The following PEX14 variants were observed in gnomAD, a reference collection of about 807,000 sequenced individuals.
PEX14 encodes the protein peroxisomal membrane protein PEX14.
Under a neutral mutation model 49.5 loss-of-function variants are expected in PEX14, and 15 were observed. The ratio of observed to expected loss-of-function variants is 0.30; its 90% CI spans 0.20 to 0.47. PEX14 has a LOEUF of 0.47. PEX14 is among the 20% of genes least tolerant of loss of function. The pLI is 1.00. For synonymous variants in PEX14, 210 were observed against 212.7 expected (o/e 0.99, Z 0.11); for missense variants, 398 against 494.8 (o/e 0.80, Z 1.86).
In PEX14 at chr1:10,623,944, C is replaced by T. The variant is rs1641667881; in HGVS notation, c.488-396C>T. The stretch of plus-strand genomic sequence containing the variant: ...GAGCCACTCCTGGATGTGAATGTGG[C>T]GGGGACCTGAGATGCATCTCTCCCA... On this transcript the variant is annotated intron_variant, in intron 6 of 8. Transcript: ENST00000356607. The surrounding 1 kb of genome is among the most constrained non-coding windows in gnomAD (Gnocchi z 4.4). Among the ~76,000 whole-genome samples, 2 of 152,038 alleles carry T rather than the reference C, an allele frequency of 1.3e-5. No homozygotes were observed. The highest frequency in any genetic ancestry group is 2.1e-4 in the South Asian group (1 of 4,812).
Position 10,628,639 on chromosome 1 carries a change from C to T in PEX14, c.678-892C>T, listed in dbSNP as rs1459692236. Among the ~76,000 whole-genome samples, 2 of 152,214 alleles carry T rather than the reference C, an allele frequency of 1.3e-5. No individual in the cohort carries two copies. The highest frequency in any genetic ancestry group is 2.9e-5 in the Non-Finnish European group (2 of 68,034). On this transcript the variant is annotated intron_variant, in intron 8 of 8. Coordinates refer to ENST00000356607, the MANE Select transcript of PEX14 (RefSeq NM_004565.3). The surrounding 1 kb of genome is among the most constrained non-coding windows in gnomAD (Gnocchi z 4.5). ...GGATGGAGGCCAGGCCATCGGGTGA[C>T]CGTGGGGGCCAAGAAAACTGCACAT... is the stretch of plus-strand genomic sequence containing the variant.
intron 2 of PEX14, among the ~76,000 whole-genome samples, chr1:10,498,396 AG>A (rs1406455821): frequency 2.0e-5 from 3 of 152,256 alleles, no homozygotes; most frequent in Admixed American, 6.5e-5. Context: ...ATTGTGATGT[AG>A]TCAATATGTG....
intron 3 of PEX14, among the ~76,000 whole-genome samples, chr1:10,555,730 A>T (rs929236383): frequency 6.6e-6 from 1 of 152,000 alleles, no homozygotes; most frequent in African/African-American, 2.4e-5. Context: ...CTGGAGGTAG[A>T]TATTTATCAG....
chr1:10,577,553 TATATATATA>T (rs1435648001), intron 3 of PEX14, among the ~76,000 whole-genome samples: 2,385 of 11,330 alleles, frequency 0.21, 167 homozygotes, highest in East Asian at 0.43. Context: ...TATATATATA[TATATATATA>T]TTTTTTTTTT....
At chr1:10,487,756 T>C (rs1232667500) in intron 1 of PEX14, among the ~76,000 whole-genome samples, 1 of 152,056 alleles carries the variant, frequency 6.6e-6, no homozygotes, top group East Asian at 1.9e-4. Context: ...GTGCTGGGAT[T>C]ATAGGCATGA....
At chr1:10,553,191 G>A (rs1639385239) in intron 3 of PEX14, among the ~76,000 whole-genome samples, 1 of 152,204 alleles carries the variant, frequency 6.6e-6, no homozygotes, top group Non-Finnish European at 1.5e-5. Flanking sequence ...TGGAGAGGAT[G>A]GATTAGAGAG....
rs561581885 is a variant in PEX14 at position 10,618,585 on chromosome 1, C to A, written c.384+168C>A. ...GGGTTCACAGCTGGATCCAGGCAGA[C>A]CCTGCCCTGCTGTGGGGCTTGGCAG... On this transcript the variant is annotated intron_variant, in intron 5 of 8. Coordinates refer to ENST00000356607, the MANE Select transcript of PEX14 (RefSeq NM_004565.3). Among the ~76,000 whole-genome samples, 16 of 152,366 alleles carry A rather than the reference C, an allele frequency of 1.1e-4. No individual in the cohort carries two copies. The East Asian group carries it at 2.7e-3, about 26-fold the overall frequency.
At chr1:10,581,569 G>A (rs1053364620) in intron 3 of PEX14, among the ~76,000 whole-genome samples, 1 of 151,768 alleles carries the variant, frequency 6.6e-6, no homozygotes, top group Non-Finnish European at 1.5e-5. Context: ...CTCCCAAAGT[G>A]CTGGGATTAC....
chr1:10,544,498 G>T (rs757718253), intron 3 of PEX14, among the ~76,000 whole-genome samples: 5 of 152,152 alleles, frequency 3.3e-5, no homozygotes, highest in Non-Finnish European at 7.3e-5. Flanking sequence ...GACTCTCAGG[G>T]TTGCTTTTTT....
intron 4 of PEX14, among the ~76,000 whole-genome samples, chr1:10,600,860 G>A (rs985152844): frequency 3.9e-5 from 6 of 152,132 alleles, no homozygotes; most frequent in Admixed American, 1.3e-4. Flanking sequence ...AAGGCCGGGC[G>A]CAGTGGCTCC....
rs546693411 is a variant in PEX14, at chr1:10,535,258, G to A, written c.85-955G>A. On this transcript the variant is annotated intron_variant, in intron 2 of 8. Transcript: ENST00000356607. The stretch of plus-strand genomic sequence containing the variant: ...GGGGTGGAAAGTAGACAAGCCAGGC[G>A]TAAACACACACTTCGCGTGTGCTGA... Among the ~76,000 whole-genome samples the A allele has an allele frequency of 6.6e-5, 10 of 152,328 alleles. No homozygotes were observed. In the South Asian group the frequency reaches 1.2e-3, roughly 19 times the overall value.
chr1:10,552,537 C>A (rs1276346283), intron 3 of PEX14, among the ~76,000 whole-genome samples: 2 of 152,178 alleles, frequency 1.3e-5, no homozygotes, highest in Non-Finnish European at 2.9e-5. Flanking sequence ...TTGTTGGTTC[C>A]CAGTTTAGCA....
chr1:10,484,453 G>A (rs1475849990), intron 1 of PEX14, among the ~76,000 whole-genome samples: 8 of 151,714 alleles, frequency 5.3e-5, no homozygotes, highest in Non-Finnish European at 1.0e-4. Context: ...GATTACAGGC[G>A]TGAGCCACTG....
At chr1:10,551,488 C>T (rs1012466273) in intron 3 of PEX14, among the ~76,000 whole-genome samples, 5 of 152,092 alleles carry the variant, frequency 3.3e-5, no homozygotes, top group African/African-American at 7.2e-5. Flanking sequence ...CCCAGCAGCA[C>T]GGATTCGGCT....
At position 10,623,392 on chromosome 1, in the gene PEX14, C is replaced by T. The variant is rs1570366787; in HGVS notation, c.487+271C>T. ...TAAGGGGAATAAAATGACAGCCTTT[C>T]TAAGGGCTGTAAAGTTCATTTTTAA... On this transcript the variant is annotated intron_variant, in intron 6 of 8. Coordinates refer to ENST00000356607, the MANE Select transcript of PEX14 (RefSeq NM_004565.3). The surrounding 1 kb of genome is among the most constrained non-coding windows in gnomAD (Gnocchi z 4.4). The T allele has an allele frequency of 4.8e-6, 2 of 416,836 alleles. No homozygotes were observed. The highest frequency in any genetic ancestry group is 1.0e-4 in the East Asian group (2 of 19,142). 25.8% of individuals were successfully genotyped at this position (416,836 alleles called of 1,614,324 possible).
intron 3 of PEX14, among the ~76,000 whole-genome samples, chr1:10,592,670 G>T (rs998559021): frequency 6.6e-6 from 1 of 152,202 alleles, no homozygotes; most frequent in African/African-American, 2.4e-5. Context: ...AAGGGAGTAC[G>T]TCTGCCTTGT....
intron 3 of PEX14, among the ~76,000 whole-genome samples, chr1:10,585,179 GT>G (rs1377659078): frequency 1.3e-5 from 2 of 152,174 alleles, no homozygotes; most frequent in Admixed American, 1.3e-4. Flanking sequence ...CCATTGACGG[GT>G]GCTAAAATGA....
chr1:10,493,994 C>A (rs1641514870), intron 1 of PEX14, among the ~76,000 whole-genome samples: 1 of 152,182 alleles, frequency 6.6e-6, no homozygotes, highest in African/African-American at 2.4e-5. Context: ...TTTGAAGTTA[C>A]CAATGCCTGG....
rs752206091 is a variant in PEX14, at chr1:10,536,308, C to T, written c.169+11C>T. Reference sequence around the variant, plus strand: ...TCCTAAAGAAGAAAGGTACAGGTTCCACAGGGCTGTGCAGCACGGCCTACA... The same window carrying T: ...TCCTAAAGAAGAAAGGTACAGGTTCTACAGGGCTGTGCAGCACGGCCTACA... On this transcript the variant is annotated intron_variant, in intron 3 of 8. Transcript: ENST00000356607. The T allele has an allele frequency of 3.3e-6, 5 of 1,533,184 alleles. No individual in the cohort carries two copies. Among genetic ancestry groups the T allele is most frequent in the Non-Finnish European group, 4.5e-6 (5 of 1,105,492 alleles). 95.0% of individuals were successfully genotyped at this position (1,533,184 alleles called of 1,614,324 possible).
Sources: allele counts gnomAD v4.1 joint callset (sites outside exome capture counted in the v4.1 genomes callset), GRCh38; gene constraint gnomAD v4.1.1; non-coding constraint Gnocchi (gnomAD v3.1); transcripts MANE v1.5; gene names NCBI Gene and HGNC (gene_info 2026-07-23, HGNC 2026-07-21).